Variants in RPS29 observed in about 807,000 individuals in gnomAD.
RPS29 encodes small ribosomal subunit protein uS14.
For missense variants in RPS29, 60 were observed against 75.7 expected (o/e 0.79, Z 0.77); for synonymous variants, 37 against 26.9 (o/e 1.37, Z -1.16).
At chr14:49,577,844 T>C (rs2354441) in exon 3 of RPS29, 2 of 1,593,004 alleles carry the variant, frequency 1.3e-6, no homozygotes, top group Non-Finnish European at 1.7e-6. Context: ...GGAAGACAGC[T>C]CAGGTCTTTC....
downstream of RPS29, among the ~76,000 whole-genome samples, chr14:49,582,203 G>T (rs986267121): frequency 9.2e-5 from 14 of 152,182 alleles, no homozygotes; most frequent in Non-Finnish European, 1.6e-4. Flanking sequence ...GAGGCTGCAG[G>T]AGAATCAGTT....
chr14:49,578,160 G>T (rs1195707622), intron 2 of RPS29, among the ~76,000 whole-genome samples: 1 of 151,724 alleles, frequency 6.6e-6, no homozygotes, highest in Non-Finnish European at 1.5e-5. Flanking sequence ...GGACAACACA[G>T]AATTAATATC....
chr14:49,586,381 A>G (rs1220221436), upstream of RPS29: 6 of 1,593,496 alleles, frequency 3.8e-6, no homozygotes, highest in East Asian at 1.1e-4. Context: ...TAAAAGGAAG[A>G]AGCTGGCCCA....
In RPS29 at chr14:49,594,219, A is replaced by C. The variant is rs114426101; in HGVS notation, c.-133+4181T>G. Among the ~76,000 whole-genome samples the C allele has an allele frequency of 2.2e-3, 337 of 152,290 alleles. 1 individual carries two copies. The highest frequency in any genetic ancestry group is 7.0e-3 in the African/African-American group (291 of 41,572). On this transcript the variant is annotated intron_variant, in intron 1 of 3. Coordinates refer to the RPS29 transcript ENST00000556230. ...CTGCTTTCAGGCTTGCTCTACCTCC[A>C]AAATCATCTTTTTACTGACCACAAG...
intron 1 of RPS29, among the ~76,000 whole-genome samples, chr14:49,592,085 T>C (rs963767949): frequency 6.6e-6 from 1 of 152,190 alleles, no homozygotes; most frequent in Non-Finnish European, 1.5e-5. Context: ...TTTATATATT[T>C]ATAAATACTT....
At position 49,591,690 on chromosome 14, in the gene RPS29, G is replaced by A. The variant is rs549532210; in HGVS notation, c.-132-5212C>T. On this transcript the variant is annotated intron_variant, in intron 1 of 3. Coordinates refer to the RPS29 transcript ENST00000556230. Reference sequence around the variant, plus strand: ...GGATGGAGTGCAGTGGCGTGATCTCGGCTCACTGCAACCTCTGCTTCCCGG... The same window carrying A: ...GGATGGAGTGCAGTGGCGTGATCTCAGCTCACTGCAACCTCTGCTTCCCGG... Among the ~76,000 whole-genome samples, 142 of 139,724 alleles carry A rather than the reference G, an allele frequency of 1.0e-3. 3 individuals carry two copies. The highest frequency in any genetic ancestry group is 3.7e-3 in the African/African-American group (136 of 37,148). 91.7% of individuals were successfully genotyped at this position (139,724 alleles called of 152,430 possible).
upstream of RPS29, among the ~76,000 whole-genome samples, chr14:49,588,383 G>A (rs187818455): frequency 2.6e-5 from 4 of 152,082 alleles, no homozygotes; most frequent in African/African-American, 4.8e-5. Context: ...CTAAGACGTC[G>A]TACTTCCTTT....
chr14:49,590,185 T>A (rs991356985), upstream of RPS29, among the ~76,000 whole-genome samples: 5 of 152,100 alleles, frequency 3.3e-5, no homozygotes, highest in Admixed American at 1.3e-4. Context: ...AAAGTTTTTT[T>A]AAAAACACCT....
At position 49,586,328 on chromosome 14, in the gene RPS29, A is replaced by T; in HGVS notation, c.19T>A (p.Tyr7Asn). MGHQQL[Y>N]WSHPRKFGQG... ...CCGAATTTTCGCGGGTGGCTCCAGT[A>T]CAGCTGCTGGTGACCCATCTTGCTC... is the stretch of plus-strand genomic sequence containing the variant. The change falls in exon 1 of 3, where the codon TAC becomes AAC. Residue 7 changes from tyrosine (Y) to asparagine (N), a missense_variant. Transcript: ENST00000245458. The T allele has an allele frequency of 6.2e-7, 1 of 1,613,980 alleles. No homozygotes were observed. Among genetic ancestry groups the T allele is most frequent in the Non-Finnish European group, 8.5e-7 (1 of 1,179,840 alleles).
chr14:49,580,191 C>T (rs1334433356), downstream of RPS29, among the ~76,000 whole-genome samples: 3 of 152,186 alleles, frequency 2.0e-5, no homozygotes, highest in Admixed American at 1.3e-4. Flanking sequence ...CCAAATCAAA[C>T]ACATATCACA....
At chr14:49,575,026 C>G (rs1038996922) in exon 3 of RPS29, 3 of 152,482 alleles carry the variant, frequency 2.0e-5, no homozygotes, top group Non-Finnish European at 4.4e-5. Context: ...ACTATACAGG[C>G]AGTCAGGGAT....
upstream of RPS29, among the ~76,000 whole-genome samples, chr14:49,590,302 C>G (rs1881683614): frequency 6.6e-6 from 1 of 151,788 alleles, no homozygotes; most frequent in African/African-American, 2.4e-5. Flanking sequence ...ATGGTGAAAC[C>G]CGGTCTCCAC....
At chr14:49,580,595 G>A (rs1330113817), downstream of RPS29, among the ~76,000 whole-genome samples, 1 of 152,226 alleles carries the variant, frequency 6.6e-6, no homozygotes, top group African/African-American at 2.4e-5. Context: ...TTGGCGGCCA[G>A]GAGCGATGGC....
At chr14:49,583,864 G>C (rs118086212) in intron 2 of RPS29, among the ~76,000 whole-genome samples, 189 bp from the exon 3 acceptor site, 225 of 152,332 alleles carry the variant, frequency 1.5e-3, no homozygotes, top group Non-Finnish European at 2.7e-3. Context: ...CCATGTTTTA[G>C]AACGATTTTT....
intron 1 of RPS29, 63 bp downstream of exon 1, chr14:49,586,222 G>C (rs1034038855): frequency 6.4e-7 from 1 of 1,556,142 alleles, no homozygotes; most frequent in Non-Finnish European, 8.9e-7. Flanking sequence ...TCCTCTACTT[G>C]AGATTTTAAG....
chr14:49,586,524 G>T, upstream of RPS29: 1 of 630,054 alleles, frequency 1.6e-6, no homozygotes, highest in Non-Finnish European at 2.9e-6. Context: ...GGCTGGCCCA[G>T]TTGATGACGT....
chr14:49,578,561 T>G lies in RPS29; in HGVS notation c.163-708A>C, dbSNP rs980055170. Among the ~76,000 whole-genome samples, 15 of 138,368 alleles carry G rather than the reference T, an allele frequency of 1.1e-4. No homozygotes were observed. The Admixed American group carries it at 1.1e-3, about 10-fold the overall frequency. 90.8% of individuals were successfully genotyped at this position (138,368 alleles called of 152,430 possible). ...ACCAATATTTACCAAAGCTTTCACTTTTTTTTTTTTTTTTTTTGAGACAGG... is the reference window on the plus strand; with the variant it reads ...ACCAATATTTACCAAAGCTTTCACTGTTTTTTTTTTTTTTTTTGAGACAGG... On this transcript the variant is annotated intron_variant, in intron 2 of 2. Coordinates refer to the RPS29 transcript ENST00000396020.
chr14:49,585,596 A>AG lies in RPS29; in HGVS notation c.162+353_162+354insC, dbSNP rs398057074. Reference sequence around the variant, plus strand: ...AGACCCTATCTCTAAAAAAAAAAAAAAGAGAATAGGTACTTACAAGATTGA... The same window carrying AG: ...AGACCCTATCTCTAAAAAAAAAAAAAGAGAGAATAGGTACTTACAAGATTGA... On this transcript the variant is annotated intron_variant, in intron 2 of 2. Coordinates refer to ENST00000245458, the MANE Select transcript of RPS29 (RefSeq NM_001032.5). 2,952 of 378,326 alleles carry AG rather than the reference A, an allele frequency of 7.8e-3. 7 individuals carry two copies. The highest frequency in any genetic ancestry group is 0.011 in the Middle Eastern group (16 of 1,454). The allele number at this position is 378,326 out of a possible 1,614,324, so 23.4% of individuals were successfully genotyped here.
At chr14:49,585,782 A>G in intron 2 of RPS29, 168 bp downstream of exon 2, 1 of 600,932 alleles carries the variant, frequency 1.7e-6, no homozygotes, top group Non-Finnish European at 3.0e-6. Flanking sequence ...GATTGCCCAA[A>G]CCATCAACAC....
Sources: allele counts gnomAD v4.1 joint callset (sites outside exome capture counted in the v4.1 genomes callset), GRCh38; gene constraint gnomAD v4.1.1; transcripts MANE v1.5; gene names NCBI Gene and HGNC (gene_info 2026-07-23, HGNC 2026-07-21).